The following HACE1 variants were observed in gnomAD, a reference collection of about 807,000 sequenced individuals.
The protein encoded by HACE1 is E3 ubiquitin-protein ligase HACE1.
A neutral mutation model predicts 118.4 loss-of-function variants in HACE1; 73 were observed. The observed-to-expected ratio is 0.62, with a 90% CI of 0.51 to 0.75. The LOEUF (loss-of-function observed/expected upper bound fraction) is 0.75, where lower values mean the gene tolerates loss of function less well. HACE1 is among the 30% of genes least tolerant of loss of function. HACE1 has a pLI of 0.00. For missense variants in HACE1, 749 were observed against 1,102.2 expected (o/e 0.68, Z 4.54); for synonymous variants, 368 against 374.8 (o/e 0.98, Z 0.21).
At chr6:104,791,366 G>T (rs1783001822) in intron 11 of HACE1, 138 bp downstream of exon 11, 3 of 737,062 alleles carry the variant, frequency 4.1e-6, no homozygotes, top group African/African-American at 3.4e-5. Context: ...GGAGAAAGGT[G>T]TGCCTAATTT....
intron 22 of HACE1, among the ~76,000 whole-genome samples, chr6:104,734,389 T>C (rs1466489567): frequency 6.6e-6 from 1 of 151,740 alleles, no homozygotes; most frequent in Non-Finnish European, 1.5e-5. Flanking sequence ...TATAAACTAA[T>C]ACAGAATACA....
At chr6:104,823,311 G>A (rs1582650491) in intron 6 of HACE1, among the ~76,000 whole-genome samples, 2 of 152,092 alleles carry the variant, frequency 1.3e-5, no homozygotes, top group Admixed American at 6.5e-5. Flanking sequence ...GTGGGCACCT[G>A]TAATCCCAGC....
At chr6:104,857,110 G>A (rs1244042441) in intron 1 of HACE1, among the ~76,000 whole-genome samples, 4 of 150,356 alleles carry the variant, frequency 2.7e-5, no homozygotes, top group Admixed American at 1.3e-4. Flanking sequence ...CTCTTAAAAT[G>A]TAAGCACAAA....
chr6:104,854,055 C>T (rs1486819388), intron 1 of HACE1, among the ~76,000 whole-genome samples: 1 of 152,158 alleles, frequency 6.6e-6, no homozygotes, highest in African/African-American at 2.4e-5. Context: ...GCAACTGAAA[C>T]CTCGGAAAGC....
intron 5 of HACE1, among the ~76,000 whole-genome samples, chr6:104,839,668 G>T (rs1308558180): frequency 6.6e-6 from 1 of 152,110 alleles, no homozygotes; most frequent in Non-Finnish European, 1.5e-5. Flanking sequence ...TAATAAAAAT[G>T]AATAGAACTT....
chr6:104,811,242 T>TACATATATA, intron 7 of HACE1, 69 bp downstream of exon 7: 1 of 186,322 alleles, frequency 5.4e-6, no homozygotes, highest in Non-Finnish European at 9.7e-6. Context: ...ATTTCTTTAT[T>TACATATATA]TATACATATA....
chr6:104,833,425 G>T (rs1774204340), intron 5 of HACE1, among the ~76,000 whole-genome samples: 1 of 151,928 alleles, frequency 6.6e-6, no homozygotes, highest in African/African-American at 2.4e-5. Context: ...TGTTCAGGTT[G>T]GACTCAAACT....
intron 6 of HACE1, chr6:104,825,057 G>A (rs910541908): frequency 6.8e-6 from 1 of 147,890 alleles, no homozygotes; most frequent in African/African-American, 2.5e-5. Flanking sequence ...ACTCCAGCCT[G>A]GGGGACAGAG....
chr6:104,756,229 G>A (rs2114605571), intron 19 of HACE1, among the ~76,000 whole-genome samples: 1 of 151,874 alleles, frequency 6.6e-6, no homozygotes, highest in African/African-American at 2.4e-5. Context: ...GGGCCAGCAT[G>A]GTGAAACGTC....
chr6:104,771,047 ATTGTT>A (rs1780547775), intron 19 of HACE1, 141 bp downstream of exon 19: 1 of 635,796 alleles, frequency 1.6e-6, no homozygotes, highest in African/African-American at 1.8e-5. Flanking sequence ...TTAACATTTG[ATTGTT>A]TTATTAACTT....
At chr6:104,749,942 GA>G (rs1398982655) in intron 20 of HACE1, among the ~76,000 whole-genome samples, 2 of 152,006 alleles carry the variant, frequency 1.3e-5, no homozygotes, top group African/African-American at 2.4e-5. Flanking sequence ...TATACAATAA[GA>G]AAAACCTTCT....
intron 7 of HACE1, among the ~76,000 whole-genome samples, chr6:104,808,124 T>C (rs1263199902): frequency 6.6e-6 from 1 of 151,814 alleles, no homozygotes; most frequent in African/African-American, 2.4e-5. Context: ...AGGCAGAGAT[T>C]GCAGTGAGCC....
intron 6 of HACE1, among the ~76,000 whole-genome samples, chr6:104,817,555 C>T (rs190021092): frequency 1.4e-4 from 21 of 152,226 alleles, no homozygotes; most frequent in Middle Eastern, 3.4e-3. Context: ...ATTACCCAGC[C>T]TCAGGTAGTT....
chr6:104,742,040 G>A (rs972577301), intron 22 of HACE1, among the ~76,000 whole-genome samples: 10 of 145,624 alleles, frequency 6.9e-5, no homozygotes, highest in African/African-American at 2.3e-4. Context: ...TGACAAACCT[G>A]AGAAAAACAA....
intron 4 of HACE1, among the ~76,000 whole-genome samples, chr6:104,846,917 G>A (rs1775723907): frequency 6.6e-6 from 1 of 152,092 alleles, no homozygotes; most frequent in African/African-American, 2.4e-5. Flanking sequence ...GAAACAGAAA[G>A]GCATCCAAAT....
At position 104,749,803 on chromosome 6, in the gene HACE1, A is replaced by C. The variant is rs183298509; in HGVS notation, c.2343+538T>G. 3.2e-3 allele frequency among the ~76,000 whole-genome samples: 490 copies of C among 152,262 alleles called. 7 individuals are homozygous for C. The highest frequency in any genetic ancestry group is 2.4e-3 in the Non-Finnish European group (165 of 67,984). The stretch of plus-strand genomic sequence containing the variant: ...GTTGGATCACAGTACAATAAAGGCA[A>C]ATTAAAGTAGCAAAACCAAACATTC... On this transcript the variant is annotated intron_variant, in intron 20 of 23. Coordinates refer to ENST00000262903, the MANE Select transcript of HACE1 (RefSeq NM_020771.4).
At chr6:104,829,740 T>A (rs1773674974) in intron 6 of HACE1, among the ~76,000 whole-genome samples, 1 of 152,102 alleles carries the variant, frequency 6.6e-6, no homozygotes, top group African/African-American at 2.4e-5. Flanking sequence ...TTTGTACCCC[T>A]CCTCCTCTAC....
chr6:104,770,251 T>A lies in HACE1; in HGVS notation c.2211+942A>T, dbSNP rs569579103. 7.9e-4 allele frequency among the ~76,000 whole-genome samples: 120 copies of A among 152,300 alleles called. 1 individual carries two copies. The highest frequency in any genetic ancestry group is 1.4e-3 in the Non-Finnish European group (97 of 68,028). ...GTATTGTTCAACCAGAAGCTGCTAC[T>A]TGTAAGCAACAGAACTAGAATTCAT... On this transcript the variant is annotated intron_variant, in intron 19 of 23. Coordinates refer to ENST00000262903, the MANE Select transcript of HACE1 (RefSeq NM_020771.4).
chr6:104,821,007 C>CAT (rs1410176778), intron 6 of HACE1, among the ~76,000 whole-genome samples: 27 of 152,234 alleles, frequency 1.8e-4, no homozygotes, highest in African/African-American at 6.0e-4. Flanking sequence ...ACTATGCAGC[C>CAT]ATAAAAAAGA....
Sources: allele counts gnomAD v4.1 joint callset (sites outside exome capture counted in the v4.1 genomes callset), GRCh38; gene constraint gnomAD v4.1.1; transcripts MANE v1.5; gene names NCBI Gene and HGNC (gene_info 2026-07-23, HGNC 2026-07-21).